Variants in DLG2 observed in about 807,000 individuals in gnomAD.
DLG2 encodes disks large homolog 2.
A neutral mutation model predicts 132.5 loss-of-function variants in DLG2; 45 were observed. The observed-to-expected ratio is 0.34, with a 90% CI of 0.27 to 0.44. The LOEUF is 0.44. DLG2 is among the 20% of genes least tolerant of loss of function. The pLI is 1.00. For missense variants in DLG2, 1,045 were observed against 1,196.9 expected (o/e 0.87, Z 1.87); for synonymous variants, 424 against 419.6 (o/e 1.01, Z -0.13).
intron 7 of DLG2, among the ~76,000 whole-genome samples, chr11:84,264,868 C>T (rs1007159823): frequency 3.9e-5 from 6 of 152,086 alleles, no homozygotes; most frequent in South Asian, 2.1e-4. Flanking sequence ...ATTTAGCAGA[C>T]GAGGCTTCTA....
At chr11:84,276,948 C>T (rs1047526310) in intron 7 of DLG2, among the ~76,000 whole-genome samples, 1 of 152,064 alleles carries the variant, frequency 6.6e-6, no homozygotes, top group Admixed American at 6.6e-5. Flanking sequence ...ACAATGAACA[C>T]AGAGAGAAAA....
At chr11:85,176,367 G>A (rs963543780) in intron 4 of DLG2, among the ~76,000 whole-genome samples, 1 of 152,134 alleles carries the variant, frequency 6.6e-6, no homozygotes, top group African/African-American at 2.4e-5. Flanking sequence ...ATGGGGAAAG[G>A]TTTCCCTATT....
At chr11:84,840,498 C>A (rs2080488226) in intron 6 of DLG2, among the ~76,000 whole-genome samples, 1 of 152,090 alleles carries the variant, frequency 6.6e-6, no homozygotes, top group African/African-American at 2.4e-5. Flanking sequence ...TGGGTATATA[C>A]CCAAAGGATT....
At chr11:85,314,412 T>C (rs1156937805) in intron 3 of DLG2, among the ~76,000 whole-genome samples, 1 of 151,908 alleles carries the variant, frequency 6.6e-6, no homozygotes, top group Admixed American at 6.6e-5. Context: ...GAGAGGATCA[T>C]ATAAATATAT....
At chr11:83,620,282 A>G (rs1342129943) in intron 19 of DLG2, among the ~76,000 whole-genome samples, 15 of 152,194 alleles carry the variant, frequency 9.9e-5, no homozygotes. Context: ...GTTTTTTTAA[A>G]CACACAAAAT....
At chr11:83,577,672 T>C (rs2096899633) in intron 19 of DLG2, among the ~76,000 whole-genome samples, 1 of 125,526 alleles carries the variant, frequency 8.0e-6, no homozygotes, top group African/African-American at 3.0e-5. Context: ...TATAAATATA[T>C]CCTATTTATA....
chr11:83,576,475 C>A (rs2096875136), intron 19 of DLG2, among the ~76,000 whole-genome samples: 1 of 152,058 alleles, frequency 6.6e-6, no homozygotes, highest in African/African-American at 2.4e-5. Flanking sequence ...CAAGATACAT[C>A]ATAATCAAAC....
chr11:84,688,717 T>C (rs1490489594), intron 6 of DLG2, among the ~76,000 whole-genome samples: 1 of 152,134 alleles, frequency 6.6e-6, no homozygotes, highest in East Asian at 1.9e-4. Flanking sequence ...CCTACTCCAT[T>C]TCACTTGGAA....
At chr11:83,638,274 T>C (rs576977693) in intron 18 of DLG2, among the ~76,000 whole-genome samples, 1 of 152,304 alleles carries the variant, frequency 6.6e-6, no homozygotes, top group Non-Finnish European at 1.5e-5. Context: ...TTGAACAAGA[T>C]GGATGATAAT....
chr11:84,772,997 C>A (rs1157452349), intron 6 of DLG2, among the ~76,000 whole-genome samples: 1 of 151,514 alleles, frequency 6.6e-6, no homozygotes, highest in Non-Finnish European at 1.5e-5. Context: ...TCAACAAAAC[C>A]AAAACTTGGT....
intron 6 of DLG2, among the ~76,000 whole-genome samples, chr11:84,760,766 G>A (rs542029509): frequency 1.3e-5 from 2 of 152,282 alleles, no homozygotes; most frequent in Admixed American, 6.5e-5. Context: ...TTAGAAGAGG[G>A]CAGTTCCCCA....
chr11:85,393,522 G>A (rs1298050908), intron 3 of DLG2, among the ~76,000 whole-genome samples: 5 of 152,044 alleles, frequency 3.3e-5, no homozygotes, highest in African/African-American at 1.2e-4. Context: ...GCACACACAC[G>A]TGTATAGCAG....
chr11:84,520,779 C>A (rs776933702), intron 7 of DLG2, among the ~76,000 whole-genome samples: 30 of 152,122 alleles, frequency 2.0e-4, no homozygotes, highest in Non-Finnish European at 4.4e-5. Flanking sequence ...GTTCTTTAAG[C>A]GTAGATGGTA....
intron 6 of DLG2, among the ~76,000 whole-genome samples, chr11:84,570,669 GATCTGCCCTGAAGCCC>G (rs2099479319): frequency 6.6e-6 from 1 of 152,120 alleles, no homozygotes; most frequent in Admixed American, 6.6e-5. Context: ...CTAGAGCCTA[GATCTGCCCTGAAGCCC>G]ATCACAGAAG....
chr11:84,995,288 C>T (rs1250816424), intron 6 of DLG2, among the ~76,000 whole-genome samples: 2 of 152,112 alleles, frequency 1.3e-5, no homozygotes, highest in Non-Finnish European at 2.9e-5. Context: ...GGGAGGATAC[C>T]TCTGTGGGCT....
intron 6 of DLG2, among the ~76,000 whole-genome samples, chr11:84,929,894 C>A (rs1284720091): frequency 2.6e-5 from 4 of 151,978 alleles, no homozygotes; most frequent in Non-Finnish European, 5.9e-5. Context: ...TACATACTTG[C>A]AAAGATTTTT....
chr11:83,605,631 C>T (rs7128567), intron 19 of DLG2, among the ~76,000 whole-genome samples: 2 of 152,110 alleles, frequency 1.3e-5, no homozygotes, highest in Admixed American at 6.5e-5. Context: ...AACTGAGACT[C>T]GAAGAGTTTA....
intron 6 of DLG2, among the ~76,000 whole-genome samples, chr11:84,925,594 C>A (rs1438924452): frequency 6.6e-6 from 1 of 152,038 alleles, no homozygotes; most frequent in Non-Finnish European, 1.5e-5. Flanking sequence ...TATTTTAAGG[C>A]AAGGAATTCA....
At chr11:83,472,831 G>A (rs1006916108) in intron 22 of DLG2, 54 bp from the exon 23 acceptor site, 21 of 1,450,932 alleles carry the variant, frequency 1.4e-5, no homozygotes, top group Non-Finnish European at 1.8e-5. Flanking sequence ...ATATTACAGA[G>A]ACAAGCCCTG....
Sources: allele counts gnomAD v4.1 joint callset (sites outside exome capture counted in the v4.1 genomes callset), GRCh38; gene constraint gnomAD v4.1.1; transcripts MANE v1.5; gene names NCBI Gene and HGNC (gene_info 2026-07-23, HGNC 2026-07-21).